PIKFYVE: variants seen among roughly 807,000 people sequenced by gnomAD.
PIKFYVE encodes phosphoinositide kinase, FYVE-type zinc finger containing, also known as 1-phosphatidylinositol 3-phosphate 5-kinase.
In PIKFYVE, 122 loss-of-function variants were observed where a neutral mutation model predicts 257.9. That is an observed-to-expected ratio of 0.47 (90% CI 0.41 to 0.55). The LOEUF (loss-of-function observed/expected upper bound fraction) is 0.55. PIKFYVE is among the 20% of genes least tolerant of loss of function. The pLI is 0.00. For missense variants in PIKFYVE, 2,160 were observed against 2,536.6 expected, an observed-to-expected ratio of 0.85 and a Z score of 3.19; for synonymous variants, 892 against 868.9, an observed-to-expected ratio of 1.03 and a Z score of -0.47.
chr2:208,310,024 A>G (rs1694775831), intron 12 of PIKFYVE, among the ~76,000 whole-genome samples: 1 of 152,202 alleles, frequency 6.6e-6, no homozygotes, highest in African/African-American at 2.4e-5. Context: ...GTCTCTTAAT[A>G]AATATTACTG....
At chr2:208,303,396 A>G (rs2125345665) in intron 10 of PIKFYVE, among the ~76,000 whole-genome samples, 1 of 152,284 alleles carries the variant, frequency 6.6e-6, no homozygotes, top group South Asian at 2.1e-4. Context: ...TTAACTACTA[A>G]TAGCTTAGTG....
intron 24 of PIKFYVE, chr2:208,334,394 C>CT (rs1697895402): frequency 6.5e-6 from 1 of 152,962 alleles, no homozygotes; most frequent in African/African-American, 2.4e-5. Context: ...GGCCTTTAAT[C>CT]TACCTGCACT....
At position 208,351,464 on chromosome 2, in the gene PIKFYVE, C is replaced by G. The variant is rs1384860544; in HGVS notation, c.5715+9C>G. On this transcript the variant is annotated intron_variant, in intron 38 of 41. Transcript: ENST00000264380. ...ATGCTGTTCAACAAAAGGTAGAAAT[C>G]TAAAACCATGGTCTGTAATCAAAGT... The G allele has an allele frequency of 6.3e-7, 1 of 1,588,992 alleles. No homozygotes were observed. The highest frequency in any genetic ancestry group is 8.6e-7 in the Non-Finnish European group (1 of 1,157,184).
At chr2:208,315,077 A>G in intron 14 of PIKFYVE, 116 bp from the exon 15 acceptor site, 1 of 966,226 alleles carries the variant, frequency 1.0e-6, no homozygotes, top group Non-Finnish European at 1.6e-6. Flanking sequence ...AGAAAATCTT[A>G]TCTGTGAGCC....
intron 13 of PIKFYVE, among the ~76,000 whole-genome samples, chr2:208,313,581 A>ATTTTTTTT (rs35491714): frequency 2.3e-5 from 3 of 127,748 alleles, no homozygotes; most frequent in Non-Finnish European, 5.0e-5. Context: ...TCAGTTTGTG[A>ATTTTTTTT]TTTTTTTTTT....
At position 208,350,073 on chromosome 2, in the gene PIKFYVE, T is replaced by C. The variant is rs1238923211; in HGVS notation, c.5424T>C (p.His1808=). 8 of 1,612,578 alleles carry C rather than the reference T, an allele frequency of 5.0e-6. No homozygotes were observed. Among genetic ancestry groups the C allele is most frequent in the Non-Finnish European group, 6.8e-6 (8 of 1,179,022 alleles). ...DTQKKQLINP[H]VELQFSDANA... is the part of the protein sequence containing the mutation. Reference sequence around the variant, plus strand: ...AAAAGAAGCAACTCATAAATCCTCATGTGGAACTTCGTAAGTATGAGATAT... The same window carrying C: ...AAAAGAAGCAACTCATAAATCCTCACGTGGAACTTCGTAAGTATGAGATAT... The change falls in exon 36 of 42, where the codon CAT becomes CAC. Residue 1808 remains histidine, a synonymous_variant. Coordinates refer to ENST00000264380, the MANE Select transcript of PIKFYVE (RefSeq NM_015040.4).
intron 8 of PIKFYVE, among the ~76,000 whole-genome samples, chr2:208,299,729 A>G (rs1693451572): frequency 6.6e-6 from 1 of 152,228 alleles, no homozygotes; most frequent in Non-Finnish European, 1.5e-5. Context: ...CAGACATTTA[A>G]TACTATATGT....
rs1174586019 is a variant in PIKFYVE, at chr2:208,271,747, C to T, written c.172+56C>T. On this transcript the variant is annotated intron_variant, in intron 2 of 41. Coordinates refer to ENST00000264380, the MANE Select transcript of PIKFYVE (RefSeq NM_015040.4). ...TCAGGTCTGATTGTTTGAAATGCTC[C>T]TTTGTCTCCAGTGGCTCACCATGAT... 15 of 1,535,338 alleles carry T rather than the reference C, an allele frequency of 9.8e-6. No individual in the cohort carries two copies. In the Admixed American group the frequency reaches 2.5e-4, roughly 26 times the overall value.
At chr2:208,339,894 G>A in intron 30 of PIKFYVE, 117 bp from the exon 31 acceptor site, 1 of 1,212,812 alleles carries the variant, frequency 8.2e-7, no homozygotes, top group Non-Finnish European at 1.2e-6. Flanking sequence ...ATTTTAAACT[G>A]TTATTGGTAT....
intron 1 of PIKFYVE, among the ~76,000 whole-genome samples, chr2:208,268,578 C>CT (rs67368199): frequency 0.95 from 138,437 of 145,144 alleles, 66,131 homozygotes; most frequent in East Asian, 1. Context: ...TGCCTGGCCT[C>CT]TTTTTTTTTT....
chr2:208,281,828 A>G (rs1244171295), intron 5 of PIKFYVE, among the ~76,000 whole-genome samples: 2 of 152,224 alleles, frequency 1.3e-5, no homozygotes, highest in African/African-American at 4.8e-5. Flanking sequence ...ATAGCAGACA[A>G]ACTTCAAGGT....
In PIKFYVE at chr2:208,355,958, G is replaced by GCAATTAA. The variant is rs1700138249; in HGVS notation, c.*654_*655insAATTAAC. 1 of 152,522 alleles carries GCAATTAA rather than the reference G, an allele frequency of 6.6e-6. No individual in the cohort carries two copies. 9.4% of individuals were successfully genotyped at this position (152,522 alleles called of 1,614,324 possible). On this transcript the variant is annotated 3_prime_UTR_variant, in exon 42 of 42. Transcript: ENST00000264380. ...TTGTCTTCTCTGTGGAAGACAGGAG[G>GCAATTAA]CTACAGCAATTAACTTTAAGCCTCC...
At position 208,302,306 on chromosome 2, in the gene PIKFYVE, C is replaced by T. The variant is rs778541147; in HGVS notation, c.1273C>T (p.His425Tyr). ...ACGTTGGCTGGATTGTGTTAGTCAT[C>T]ACGACCAGCTTTTCAGAGATGAGTA... is the stretch of plus-strand genomic sequence containing the variant. ...DGRWLDCVSH[H>Y]DQLFRDEYAL... Residue 425 changes from histidine to tyrosine, a missense_variant, in exon 10 of 42, where the codon CAC becomes TAC. Physicochemically the swap from His to Tyr is moderately conservative, Grantham distance 83 (BLOSUM62 2). Around this residue, in one of 12 missense-constraint regions of PIKFYVE, gnomAD observed 90 missense variants for 110.6 expected, o/e 0.81. Transcript: ENST00000264380. 9 of 1,614,150 alleles carry T rather than the reference C, an allele frequency of 5.6e-6. No individual in the cohort carries two copies. The Admixed American group carries it at 1.3e-4, about 24-fold the overall frequency.
intron 5 of PIKFYVE, among the ~76,000 whole-genome samples, chr2:208,284,833 T>C (rs1244328720): frequency 6.6e-6 from 1 of 152,146 alleles, no homozygotes; most frequent in East Asian, 1.9e-4. Context: ...TTTTATTTTA[T>C]ATATGTTTAT....
chr2:208,287,412 T>TA lies in PIKFYVE; in HGVS notation c.822-1316dup, dbSNP rs1691722989. ...CCTCAACCTCCTGAGTAGCTGGACT[T>TA]ACAGGTGCCCACCACCATGCCTGGC... On this transcript the variant is annotated intron_variant, in intron 6 of 41. Transcript: ENST00000264380. Among the ~76,000 whole-genome samples, 4 of 152,048 alleles carry TA rather than the reference T, an allele frequency of 2.6e-5. No individual in the cohort carries two copies. The South Asian group carries it at 8.3e-4, about 32-fold the overall frequency.
chr2:208,328,971 C>A (rs1697231252), intron 21 of PIKFYVE, among the ~76,000 whole-genome samples: 1 of 152,096 alleles, frequency 6.6e-6, no homozygotes, highest in Admixed American at 6.5e-5. Context: ...GCAGGTTTTC[C>A]TTCAGGCATA....
chr2:208,336,938 G>A lies in PIKFYVE; in HGVS notation c.4611+10G>A. On this transcript the variant is annotated intron_variant, in intron 28 of 41. Coordinates refer to ENST00000264380, the MANE Select transcript of PIKFYVE (RefSeq NM_015040.4). ...AGGGGAAGAAAGCAAGGTATGAAAT[G>A]TAGTCTTGTCTTTGGTCCTTAATCA... The A allele has an allele frequency of 6.3e-7, 1 of 1,591,244 alleles. No individual in the cohort carries two copies. Among genetic ancestry groups the A allele is most frequent in the Non-Finnish European group, 8.6e-7 (1 of 1,160,040 alleles).
chr2:208,285,811 G>A lies in PIKFYVE; in HGVS notation c.699G>A (p.Leu233=), dbSNP rs777357869. ...ACAGTAATTCTATTGGGGAAGACTT[G>A]AATGCTCTTTCAGATTCTGCTTGCT... is the stretch of plus-strand genomic sequence containing the variant. ...STDSNSIGED[L]NALSDSACSV... Residue 233 remains leucine (L), a synonymous_variant, in exon 6 of 42, where the codon TTG becomes TTA. Transcript: ENST00000264380. 1 of 1,613,946 alleles carries A rather than the reference G, an allele frequency of 6.2e-7. No individual in the cohort carries two copies.
chr2:208,304,150 A>C (rs746304782), intron 10 of PIKFYVE, 21 bp from the exon 11 acceptor site: 1 of 1,613,734 alleles, frequency 6.2e-7, no homozygotes, highest in South Asian at 1.1e-5. Context: ...AATTGCTTGG[A>C]TCCTGTCTTC....
Sources: allele counts gnomAD v4.1 joint callset (sites outside exome capture counted in the v4.1 genomes callset), GRCh38; gene constraint gnomAD v4.1.1; regional missense constraint gnomAD v4.1.1; transcripts MANE v1.5; gene names NCBI Gene and HGNC (gene_info 2026-07-23, HGNC 2026-07-21).